ZNF521: variants seen among roughly 807,000 people sequenced by gnomAD.
ZNF521 encodes the protein zinc finger protein 521.
ZNF521 carries 14 observed loss-of-function variants against 105.5 expected under a neutral mutation model. That is an observed-to-expected ratio of 0.13 (90% CI 0.09 to 0.21). The LOEUF is 0.21. Ranked by LOEUF, ZNF521 falls within the 10% of genes least tolerant of loss-of-function variation. ZNF521 has a pLI of 1.00. For missense variants in ZNF521, 1,233 were observed against 1,629.7 expected (o/e 0.76, Z 4.19); for synonymous variants, 635 against 606.0 (o/e 1.05, Z -0.70).
chr18:25,204,922 T>C (rs1251214453), intron 4 of ZNF521, among the ~76,000 whole-genome samples: 1 of 152,098 alleles, frequency 6.6e-6, no homozygotes, highest in African/African-American at 2.4e-5. Flanking sequence ...AAATCTCCCA[T>C]AGTGTTTTCC....
intron 5 of ZNF521, among the ~76,000 whole-genome samples, chr18:25,094,809 C>T (rs1442139698): frequency 6.6e-6 from 1 of 152,134 alleles, no homozygotes; most frequent in Non-Finnish European, 1.5e-5. Flanking sequence ...CCCCCATCTT[C>T]ACACTTGCTT....
chr18:25,152,647 C>A (rs2035070821), intron 5 of ZNF521, among the ~76,000 whole-genome samples: 1 of 151,622 alleles, frequency 6.6e-6, no homozygotes, highest in African/African-American at 2.4e-5. Context: ...GAGAGGAGAC[C>A]CCGGAAAATT....
intron 5 of ZNF521, among the ~76,000 whole-genome samples, chr18:25,176,667 C>T (rs2035540138): frequency 6.6e-6 from 1 of 152,200 alleles, no homozygotes; most frequent in South Asian, 2.1e-4. Flanking sequence ...ATGAATTCCA[C>T]TAGGAGAGGC....
At chr18:25,321,802 G>T (rs1269726901) in intron 3 of ZNF521, among the ~76,000 whole-genome samples, 1 of 152,058 alleles carries the variant, frequency 6.6e-6, no homozygotes, top group Non-Finnish European at 1.5e-5. Context: ...TGACATTTAG[G>T]TGCATTTCAA....
chr18:25,239,885 T>A (rs113646866), intron 3 of ZNF521, among the ~76,000 whole-genome samples: 2 of 152,172 alleles, frequency 1.3e-5, no homozygotes, highest in African/African-American at 4.8e-5. Context: ...TATCTCTGGC[T>A]ACCAGGGGGT....
chr18:25,100,847 C>T (rs1170785253), intron 5 of ZNF521, among the ~76,000 whole-genome samples: 1 of 152,096 alleles, frequency 6.6e-6, no homozygotes, highest in Non-Finnish European at 1.5e-5. Context: ...GTTAGAGCTC[C>T]ATAACCTTTA....
At chr18:25,063,340 G>A (rs1441837277) in intron 7 of ZNF521, among the ~76,000 whole-genome samples, 1 of 152,190 alleles carries the variant, frequency 6.6e-6, no homozygotes, top group East Asian at 1.9e-4. Flanking sequence ...CCCCTCCTGA[G>A]GGTGGGCTTT....
intron 5 of ZNF521, among the ~76,000 whole-genome samples, chr18:25,152,191 C>G (rs995297887): frequency 2.6e-5 from 4 of 152,106 alleles, no homozygotes; most frequent in Non-Finnish European, 5.9e-5. Flanking sequence ...AGAAAACTAT[C>G]CTCTAGGCTG....
In ZNF521 at chr18:25,337,193, G is replaced by A. The variant is rs528923130; in HGVS notation, c.40+13714C>T. Among the ~76,000 whole-genome samples, 7 of 152,312 alleles carry A rather than the reference G, an allele frequency of 4.6e-5. No homozygotes were observed. The East Asian group carries it at 1.3e-3, about 29-fold the overall frequency. On this transcript the variant is annotated intron_variant, in intron 2 of 7. Coordinates refer to ENST00000361524, the MANE Select transcript of ZNF521 (RefSeq NM_015461.3). ...GATGGAGGTGGGGGAACAAGACACT[G>A]CAGCCAGTGTAATGGGGAACACAGA...
chr18:25,294,572 G>A (rs1315031890), intron 3 of ZNF521, among the ~76,000 whole-genome samples: 1 of 152,076 alleles, frequency 6.6e-6, no homozygotes, highest in African/African-American at 2.4e-5. Flanking sequence ...AGTAGGTTTA[G>A]GCTGCCAGGT....
At chr18:25,192,905 T>C (rs1192250258) in intron 5 of ZNF521, among the ~76,000 whole-genome samples, 2 of 152,102 alleles carry the variant, frequency 1.3e-5, no homozygotes, top group African/African-American at 2.4e-5. Context: ...CTTGGATGCA[T>C]GGTCAACAAA....
chr18:25,105,778 G>A (rs1035535169), intron 5 of ZNF521, among the ~76,000 whole-genome samples: 4 of 152,254 alleles, frequency 2.6e-5, no homozygotes, highest in Admixed American at 2.0e-4. Flanking sequence ...TTTCAGTATC[G>A]GAGCAAATTT....
At chr18:25,256,636 C>T (rs1052491596) in intron 3 of ZNF521, among the ~76,000 whole-genome samples, 5 of 151,946 alleles carry the variant, frequency 3.3e-5, no homozygotes, top group African/African-American at 9.7e-5. Flanking sequence ...AGGCCCCCTA[C>T]AGGAGCGAAG....
intron 4 of ZNF521, among the ~76,000 whole-genome samples, chr18:25,222,556 C>T (rs1568017430): frequency 6.6e-6 from 1 of 152,138 alleles, no homozygotes; most frequent in African/African-American, 2.4e-5. Context: ...ACACCAAAAT[C>T]ACACACACAG....
intron 3 of ZNF521, among the ~76,000 whole-genome samples, chr18:25,280,377 C>G (rs1745198485): frequency 6.6e-6 from 1 of 152,050 alleles, no homozygotes; most frequent in Middle Eastern, 3.4e-3. Flanking sequence ...GAAAAAGACC[C>G]TCTCTTTTGG....
intron 2 of ZNF521, among the ~76,000 whole-genome samples, chr18:25,323,069 C>T (rs1913024881): frequency 6.6e-6 from 1 of 151,646 alleles, no homozygotes; most frequent in Non-Finnish European, 1.5e-5. Flanking sequence ...TGAGTCATTT[C>T]CTCCCAAAGA....
intron 4 of ZNF521, among the ~76,000 whole-genome samples, chr18:25,200,439 GTATT>G (rs2035973184): frequency 6.6e-6 from 1 of 150,968 alleles, no homozygotes; most frequent in South Asian, 2.1e-4. Flanking sequence ...ACCTTTACGT[GTATT>G]TGTCTTGCTC....
In ZNF521 at chr18:25,182,294, G is replaced by A. The variant is rs974700637; in HGVS notation, c.3658+12866C>T. On this transcript the variant is annotated intron_variant, in intron 5 of 7. Transcript: ENST00000361524. ...TGATGCACAGCTTAAGCTATAATGA[G>A]TTTTTGGGTTACAAATGCTGAACGC... 7.2e-5 allele frequency among the ~76,000 whole-genome samples: 11 copies of A among 152,274 alleles called. 1 individual carries two copies. The highest frequency in any genetic ancestry group is 7.2e-4 in the Admixed American group (11 of 15,294).
chr18:25,203,707 T>C (rs1483312969), intron 4 of ZNF521, among the ~76,000 whole-genome samples: 1 of 152,162 alleles, frequency 6.6e-6, no homozygotes, highest in African/African-American at 2.4e-5. Context: ...AGATTGCTTC[T>C]GGCCAACTGA....
Sources: gnomAD v4.1 joint callset for allele counts (sites outside exome capture counted in the v4.1 genomes callset) on GRCh38, gnomAD v4.1.1 for gene constraint, MANE v1.5 for transcripts, NCBI Gene and HGNC (gene_info 2026-07-23, HGNC 2026-07-21) for gene names.